SUPT7L: variants seen among roughly 807,000 people sequenced by gnomAD.
The protein encoded by SUPT7L is SPT7 like, STAGA complex subunit gamma, also known as STAGA complex 65 subunit gamma.
Under a neutral mutation model 35.7 loss-of-function variants are expected in SUPT7L, and 15 were observed. The observed-to-expected ratio is 0.42, with a 90% confidence interval of 0.28 to 0.65. The LOEUF (loss-of-function observed/expected upper bound fraction) is 0.65. SUPT7L is among the 30% of genes least tolerant of loss of function. The probability of loss-of-function intolerance (pLI) is 0.23; values close to 1 mark genes in which losing one functional copy is unlikely to be tolerated. For missense variants in SUPT7L, 434 were observed against 522.2 expected, an observed-to-expected ratio of 0.83 and a Z score of 1.65; for synonymous variants, 168 against 186.2, an observed-to-expected ratio of 0.90 and a Z score of 0.79.
chr2:27,645,791 G>A, the SUPT7L span, among the ~76,000 whole-genome samples: 22 of 151,970 alleles, frequency 1.4e-4, no homozygotes, highest in Non-Finnish European at 2.9e-4. Context: ...GTGCAGTGGT[G>A]TGATCTTGGC....
chr2:27,645,246 T>A, the SUPT7L span, among the ~76,000 whole-genome samples: 1 of 152,164 alleles, frequency 6.6e-6, no homozygotes, highest in Non-Finnish European at 1.5e-5. Flanking sequence ...GTTGGGATCA[T>A]AGGCATAAGC....
intron 3 of SUPT7L, among the ~76,000 whole-genome samples, chr2:27,658,139 T>G (rs1208195239): frequency 6.6e-6 from 1 of 152,214 alleles, no homozygotes; most frequent in African/African-American, 2.4e-5. Context: ...AGTTTAAGAT[T>G]CTTAGATTCT....
Position 27,657,163 on chromosome 2 carries a change from T to C in SUPT7L, c.744+182A>G, listed in dbSNP as rs1386469875. Among the ~76,000 whole-genome samples the C allele has an allele frequency of 6.6e-6, 1 of 152,236 alleles. No individual in the cohort carries two copies. Among genetic ancestry groups the C allele is most frequent in the East Asian group, 1.9e-4 (1 of 5,190 alleles). ...AGTATCAGTGAATGTGGCCATTCAC[T>C]GACTAAAGGAGACCCATGGTATTTG... On this transcript the variant is annotated intron_variant, in intron 4 of 5. Transcript: ENST00000337768. The surrounding 1 kb of genome is among the most constrained non-coding windows in gnomAD (Gnocchi z 5.2).
At chr2:27,647,225 A>G (rs150971848), downstream of SUPT7L, among the ~76,000 whole-genome samples, 845 of 152,234 alleles carry the variant, frequency 5.6e-3, 3 homozygotes, top group Admixed American at 6.7e-3. Flanking sequence ...GAGAGTGACT[A>G]TGTCCTCCCA....
chr2:27,649,216 G>C (rs148360965), downstream of SUPT7L, among the ~76,000 whole-genome samples: 115 of 151,562 alleles, frequency 7.6e-4, 2 homozygotes, highest in East Asian at 0.01. Flanking sequence ...TTGCACTCAG[G>C]CCTCGGTAAC....
chr2:27,661,886 G>C, intron 2 of SUPT7L: 1 of 474,020 alleles, frequency 2.1e-6, no homozygotes, highest in Non-Finnish European at 3.8e-6. Context: ...ATAATAAGAA[G>C]TGGTTCTTAC....
downstream of SUPT7L, chr2:27,647,711 G>C (rs1674306156): frequency 1.6e-6 from 1 of 633,072 alleles, no homozygotes; most frequent in African/African-American, 1.8e-5. Context: ...ATTTAGAAGA[G>C]GTAAGATCCT....
chr2:27,657,689 GGT>G lies in SUPT7L; in HGVS notation c.420-22_420-21del. The G allele has an allele frequency of 6.3e-7, 1 of 1,598,780 alleles. No individual in the cohort carries two copies. The highest frequency in any genetic ancestry group is 1.7e-5 in the Admixed American group (1 of 58,850). On this transcript the variant is annotated intron_variant, in intron 3 of 5. Coordinates refer to ENST00000337768, the MANE Select transcript of SUPT7L (RefSeq NM_014860.3). The surrounding 1 kb of genome is among the most constrained non-coding windows in gnomAD (Gnocchi z 5.2). ...TTCCCACTGAAAGTGGAGATACGGTGGTGTTATTAATGTTCTTGCAAAGGGGT... is the reference window on the plus strand; with the variant it reads ...TTCCCACTGAAAGTGGAGATACGGTGGTTATTAATGTTCTTGCAAAGGGGT...
chr2:27,645,942 C>T (rs1332838756), downstream of SUPT7L, among the ~76,000 whole-genome samples: 1 of 152,080 alleles, frequency 6.6e-6, no homozygotes, highest in Non-Finnish European at 1.5e-5. Context: ...GTTGCCCAGG[C>T]TGGTCTCGAA....
At chr2:27,661,699 T>C in intron 2 of SUPT7L, 1 of 1,104,128 alleles carries the variant, frequency 9.1e-7, no homozygotes, top group Non-Finnish European at 1.2e-6. Flanking sequence ...TTTGGGTCAT[T>C]AGTGGACCAA....
rs1265401177 is a variant in SUPT7L, at chr2:27,661,100, A to T, written c.303T>A (p.Pro101=). ...TEGVKTEESE[P]LPSCPGSPPL... ...GAGGTGACCCAGGGCACGAGGGAAG[A>T]GGTTCACTCTCTTCAGTTTTTACAC... The change falls in exon 3 of 6, where the codon CCT becomes CCA. Residue 101 remains proline (P), a synonymous_variant. Coordinates refer to ENST00000337768, the MANE Select transcript of SUPT7L (RefSeq NM_014860.3). 1.2e-6 allele frequency: 2 copies of T among 1,614,046 alleles called. No homozygotes were observed. Among genetic ancestry groups the T allele is most frequent in the Admixed American group, 1.7e-5 (1 of 60,000 alleles).
chr2:27,649,797 CTAT>C (rs1215442814), downstream of SUPT7L, among the ~76,000 whole-genome samples: 5 of 152,096 alleles, frequency 3.3e-5, no homozygotes, highest in Non-Finnish European at 7.4e-5. Flanking sequence ...TAGATTTTAG[CTAT>C]TATGAGTAAA....
downstream of SUPT7L, among the ~76,000 whole-genome samples, chr2:27,649,596 C>G (rs996618340): frequency 6.6e-6 from 1 of 152,116 alleles, no homozygotes; most frequent in Non-Finnish European, 1.5e-5. Context: ...TTTGATCTTG[C>G]CTTTTCCAGA....
rs892941260 is a variant in SUPT7L at position 27,658,101 on chromosome 2, A to G, written c.420-432T>C. 2.6e-5 allele frequency among the ~76,000 whole-genome samples: 4 copies of G among 152,238 alleles called. No individual in the cohort carries two copies. In the East Asian group the frequency reaches 7.7e-4, roughly 29 times the overall value. ...CAAACTTTTAGAAATTCACAGTTCC[A>G]ATAAAGAGATTCTTCACAGTTCCCA... is the stretch of plus-strand genomic sequence containing the variant. On this transcript the variant is annotated intron_variant, in intron 3 of 5. Transcript: ENST00000337768.
the SUPT7L span, among the ~76,000 whole-genome samples, chr2:27,643,225 A>C: frequency 6.6e-6 from 1 of 150,418 alleles, no homozygotes; most frequent in South Asian, 2.1e-4. The surrounding 1 kb of genome is among the most constrained non-coding windows in gnomAD (Gnocchi z 4.0). Flanking sequence ...TTTGACCTTA[A>C]TTTCAGATTT....
the SUPT7L span, among the ~76,000 whole-genome samples, chr2:27,642,962 C>T: frequency 8.4e-3 from 1,172 of 139,994 alleles, 16 homozygotes; most frequent in African/African-American, 0.029. Flanking sequence ...TATATATACA[C>T]ACACACACAC....
chr2:27,655,636 A>C, intron 4 of SUPT7L, 34 bp from the exon 5 acceptor site: 1 of 1,534,120 alleles, frequency 6.5e-7, no homozygotes. Flanking sequence ...TTCCAAGGAA[A>C]TGTTAAAAGC....
At chr2:27,642,994 C>CACACACAT in the SUPT7L span, among the ~76,000 whole-genome samples, 1 of 149,660 alleles carries the variant, frequency 6.7e-6, no homozygotes, top group Non-Finnish European at 1.5e-5. Context: ...CACACACACA[C>CACACACAT]ATACATATGC....
intron 5 of SUPT7L, among the ~76,000 whole-genome samples, chr2:27,654,723 C>T (rs1354486424): frequency 6.6e-6 from 1 of 152,124 alleles, no homozygotes; most frequent in Non-Finnish European, 1.5e-5. Context: ...CCCACCACCA[C>T]GCCCAGCATA....
Sources: allele counts gnomAD v4.1 joint callset (sites outside exome capture counted in the v4.1 genomes callset), GRCh38; gene constraint gnomAD v4.1.1; non-coding constraint Gnocchi (gnomAD v3.1); transcripts MANE v1.5; gene names NCBI Gene and HGNC (gene_info 2026-07-23, HGNC 2026-07-21).